Variants in GPR139 observed in about 807,000 individuals in gnomAD.
The protein encoded by GPR139 is probable G protein-coupled receptor 139.
In GPR139, 12 loss-of-function variants were observed where a neutral mutation model predicts 25.8. The ratio of observed to expected loss-of-function variants is 0.47; its 90% confidence interval spans 0.30 to 0.75. The LOEUF is 0.75. GPR139 is among the 30% of genes least tolerant of loss of function. The pLI is 0.07. For synonymous variants in GPR139, 184 were observed against 179.9 expected, an observed-to-expected ratio of 1.02 and a Z score of -0.18; for missense variants, 380 against 450.2, an observed-to-expected ratio of 0.84 and a Z score of 1.41.
intron 1 of GPR139, among the ~76,000 whole-genome samples, chr16:20,049,470 T>C (rs1449652137): frequency 6.6e-6 from 1 of 152,202 alleles, no homozygotes; most frequent in Non-Finnish European, 1.5e-5. Flanking sequence ...CTTAAGTCAG[T>C]TTTCTCATCT....
At chr16:20,049,144 C>T (rs1231933279) in intron 1 of GPR139, among the ~76,000 whole-genome samples, 1 of 152,146 alleles carries the variant, frequency 6.6e-6, no homozygotes, top group Admixed American at 6.5e-5. Context: ...TTACTCTAAA[C>T]CTTGAGGACT....
At chr16:20,034,727 A>C (rs993861653) in intron 1 of GPR139, among the ~76,000 whole-genome samples, 3 of 152,144 alleles carry the variant, frequency 2.0e-5, no homozygotes, top group Admixed American at 6.5e-5. Context: ...TTATACTGAA[A>C]CTGCCATTCT....
At chr16:20,059,508 A>C (rs1373747449) in intron 1 of GPR139, among the ~76,000 whole-genome samples, 1 of 151,870 alleles carries the variant, frequency 6.6e-6, no homozygotes, top group Non-Finnish European at 1.5e-5. Context: ...CTCAAACATC[A>C]CCACTTTGGA....
chr16:20,039,025 G>A (rs756750981), intron 1 of GPR139, among the ~76,000 whole-genome samples: 14 of 152,130 alleles, frequency 9.2e-5, no homozygotes, highest in East Asian at 1.9e-4. Flanking sequence ...AGCAAGCCCC[G>A]CCGAACTTCA....
intron 1 of GPR139, among the ~76,000 whole-genome samples, chr16:20,044,549 G>A (rs1398315354): frequency 1.3e-5 from 2 of 152,172 alleles, no homozygotes; most frequent in Non-Finnish European, 2.9e-5. Context: ...TCTCCAGGGA[G>A]AGTGAATGGC....
At chr16:20,058,930 C>T (rs1354701237) in intron 1 of GPR139, among the ~76,000 whole-genome samples, 5 of 152,160 alleles carry the variant, frequency 3.3e-5, no homozygotes, top group African/African-American at 7.2e-5. Flanking sequence ...CCACAGCCCT[C>T]GAGAGCCCGG....
intron 1 of GPR139, among the ~76,000 whole-genome samples, chr16:20,065,464 C>T (rs941773402): frequency 2.0e-5 from 3 of 152,134 alleles, no homozygotes; most frequent in Admixed American, 6.5e-5. Flanking sequence ...AGCTGAGAAG[C>T]AGTACTGAAT....
intron 1 of GPR139, among the ~76,000 whole-genome samples, chr16:20,036,905 A>G (rs1940807294): frequency 6.6e-6 from 1 of 152,172 alleles, no homozygotes; most frequent in African/African-American, 2.4e-5. Flanking sequence ...TCATGCAGCA[A>G]ATATTAACTG....
chr16:20,071,081 C>T (rs1006068718), intron 1 of GPR139: 18 of 754,092 alleles, frequency 2.4e-5, no homozygotes, highest in Non-Finnish European at 2.9e-5. Flanking sequence ...GCGAGCATTT[C>T]GCTAGTGCCA....
intron 1 of GPR139, among the ~76,000 whole-genome samples, chr16:20,044,113 G>A (rs1301681693): frequency 6.6e-6 from 1 of 152,192 alleles, no homozygotes; most frequent in African/African-American, 2.4e-5. Flanking sequence ...CTGGCCTGAA[G>A]AAACCACTCA....
chr16:20,036,418 C>T (rs923085019), intron 1 of GPR139, among the ~76,000 whole-genome samples: 1 of 152,168 alleles, frequency 6.6e-6, no homozygotes. Context: ...TCTCTTCTTA[C>T]ACTGCCAATA....
rs910269233 is a variant in GPR139, at chr16:20,030,637, G to A, written c.*1098C>T. On this transcript the variant is annotated 3_prime_UTR_variant, in exon 2 of 2. Coordinates refer to ENST00000570682, the MANE Select transcript of GPR139 (RefSeq NM_001002911.4). Reference sequence around the variant, plus strand: ...ATGTGCGTCAAAGGGCAGACGAGGCGTCAGCATGGGCACCTTTTGTGTCTG... The same window carrying A: ...ATGTGCGTCAAAGGGCAGACGAGGCATCAGCATGGGCACCTTTTGTGTCTG... 2.6e-5 allele frequency among the ~76,000 whole-genome samples: 4 copies of A among 152,226 alleles called. No homozygotes were observed. Among genetic ancestry groups the A allele is most frequent in the African/African-American group, 7.2e-5 (3 of 41,456 alleles).
chr16:20,073,418 C>T lies in GPR139; in HGVS notation c.127+72G>A. ...GCGCCAGGGAACGCACGGGGGAGGA[C>T]GGGGGATTCTGGGTAGGGTTGCCCG... On this transcript the variant is annotated intron_variant, in intron 1 of 1. Coordinates refer to ENST00000570682, the MANE Select transcript of GPR139 (RefSeq NM_001002911.4). The surrounding 1 kb of genome is among the most constrained non-coding windows in gnomAD (Gnocchi z 4.7). 1.3e-6 allele frequency: 2 copies of T among 1,567,156 alleles called. No homozygotes were observed. The highest frequency in any genetic ancestry group is 1.7e-6 in the Non-Finnish European group (2 of 1,155,708).
At chr16:20,068,108 G>A (rs2057442901) in intron 1 of GPR139, among the ~76,000 whole-genome samples, 1 of 151,910 alleles carries the variant, frequency 6.6e-6, no homozygotes, top group African/African-American at 2.4e-5. Context: ...TAATAACAGT[G>A]GTTACCTCTG....
intron 1 of GPR139, among the ~76,000 whole-genome samples, chr16:20,043,299 C>T (rs1300657246): frequency 3.3e-5 from 5 of 152,148 alleles, no homozygotes; most frequent in Admixed American, 1.3e-4. Flanking sequence ...ACCTCAATCA[C>T]GAAACCACAT....
At chr16:20,054,743 A>G (rs973681814) in intron 1 of GPR139, among the ~76,000 whole-genome samples, 1 of 131,636 alleles carries the variant, frequency 7.6e-6, no homozygotes, top group Non-Finnish European at 1.7e-5. Flanking sequence ...TTTTCTTTTT[A>G]TTTTGGCAGA....
intron 1 of GPR139, among the ~76,000 whole-genome samples, chr16:20,034,524 A>C (rs1273344068): frequency 6.6e-6 from 1 of 152,006 alleles, no homozygotes; most frequent in East Asian, 1.9e-4. Context: ...ATGTCTGCAT[A>C]TTCTTTCTTT....
intron 1 of GPR139, among the ~76,000 whole-genome samples, chr16:20,037,260 T>C (rs2057313172): frequency 6.6e-6 from 1 of 152,116 alleles, no homozygotes; most frequent in Non-Finnish European, 1.5e-5. Context: ...CAGACCAGCC[T>C]GGCCAACATG....
At chr16:20,068,941 C>T (rs1001970419) in intron 1 of GPR139, among the ~76,000 whole-genome samples, 6 of 151,182 alleles carry the variant, frequency 4.0e-5, no homozygotes, top group African/African-American at 4.9e-5. Flanking sequence ...TTTCACATGT[C>T]GAACCAGTGT....
Sources: allele counts gnomAD v4.1 joint callset (sites outside exome capture counted in the v4.1 genomes callset), GRCh38; gene constraint gnomAD v4.1.1; non-coding constraint Gnocchi (gnomAD v3.1); transcripts MANE v1.5; gene names NCBI Gene and HGNC (gene_info 2026-07-23, HGNC 2026-07-21).